Variants in RMND1 observed in about 807,000 individuals in gnomAD.
RMND1 encodes required for meiotic nuclear division protein 1 homolog.
A neutral mutation model predicts 54.0 loss-of-function variants in RMND1; 41 were observed. The ratio of observed to expected loss-of-function variants is 0.76; its 90% CI spans 0.59 to 0.98. The LOEUF (loss-of-function observed/expected upper bound fraction) is 0.98. RMND1 is among the 50% of genes least tolerant of loss of function. The pLI is 0.00. For synonymous variants in RMND1, 183 were observed against 181.7 expected (o/e 1.01, Z -0.06); for missense variants, 457 against 532.0 (o/e 0.86, Z 1.39).
In RMND1 at chr6:151,426,709, A is replaced by G. The variant is rs375322631; in HGVS notation, c.830+773T>C. Among the ~76,000 whole-genome samples, 59 of 152,278 alleles carry G rather than the reference A, an allele frequency of 3.9e-4. No individual in the cohort carries two copies. The East Asian group carries it at 8.3e-3, about 21-fold the overall frequency. ...GTGGATAGCCTGAGAAGTTCAAAAA[A>G]TTATGTTTATCTTCTAATATTTATT... On this transcript the variant is annotated intron_variant, in intron 6 of 11. Coordinates refer to ENST00000444024, the MANE Select transcript of RMND1 (RefSeq NM_017909.4).
At chr6:151,408,173 T>C (rs1779693803) in intron 10 of RMND1, among the ~76,000 whole-genome samples, 1 of 151,940 alleles carries the variant, frequency 6.6e-6, no homozygotes, top group African/African-American at 2.4e-5. Context: ...GTGGACAACC[T>C]AGAAGAAAGT....
intron 6 of RMND1, among the ~76,000 whole-genome samples, chr6:151,425,625 C>T (rs756972803): frequency 6.6e-6 from 1 of 152,152 alleles, no homozygotes; most frequent in African/African-American, 2.4e-5. Flanking sequence ...GATAATAAAA[C>T]TACAGGCTGC....
intron 1 of RMND1, among the ~76,000 whole-genome samples, chr6:151,450,921 G>A (rs1354029780): frequency 6.6e-6 from 1 of 152,150 alleles, no homozygotes; most frequent in African/African-American, 2.4e-5. Context: ...TGTGCTCTCT[G>A]AAACATGTGC....
intron 6 of RMND1, among the ~76,000 whole-genome samples, chr6:151,426,951 A>G (rs1780314276): frequency 6.6e-6 from 1 of 150,566 alleles, no homozygotes; most frequent in South Asian, 2.1e-4. Flanking sequence ...TGTATTTTTT[A>G]GTAGAGATGG....
intron 2 of RMND1, among the ~76,000 whole-genome samples, chr6:151,442,580 C>T (rs866566922): frequency 2.0e-5 from 3 of 152,048 alleles, no homozygotes; most frequent in Admixed American, 6.6e-5. Flanking sequence ...CCAGGCTGGA[C>T]GGAGCGAGGT....
intron 1 of RMND1, among the ~76,000 whole-genome samples, chr6:151,451,650 C>G (rs539625232): frequency 1.3e-5 from 2 of 152,264 alleles, no homozygotes; most frequent in Admixed American, 6.5e-5. Context: ...AAGGCAGTTA[C>G]TCAGTTCCCG....
chr6:151,406,514 A>G (rs1267559296), intron 10 of RMND1, among the ~76,000 whole-genome samples: 4 of 152,160 alleles, frequency 2.6e-5, no homozygotes. Flanking sequence ...GGTGCCCGCC[A>G]CCACGCCCGG....
intron 10 of RMND1, among the ~76,000 whole-genome samples, chr6:151,412,907 TCACCCCCC>T (rs1443046803): frequency 6.6e-6 from 1 of 152,114 alleles, no homozygotes; most frequent in African/African-American, 2.4e-5. Context: ...GATGATCCAG[TCACCCCCC>T]CACCAGGACC....
At chr6:151,415,813 A>G (rs1032180291) in intron 10 of RMND1, among the ~76,000 whole-genome samples, 13 of 142,694 alleles carry the variant, frequency 9.1e-5, no homozygotes, top group African/African-American at 1.4e-4. Flanking sequence ...AAAAAAAAAA[A>G]GTCACATACT....
intron 5 of RMND1, among the ~76,000 whole-genome samples, chr6:151,428,167 T>G (rs1418084886): frequency 1.3e-5 from 2 of 152,006 alleles, no homozygotes; most frequent in East Asian, 3.9e-4. Flanking sequence ...TAATAAAAAA[T>G]TAAGCCACAC....
At chr6:151,415,822 C>T (rs978326471) in intron 10 of RMND1, among the ~76,000 whole-genome samples, 1 of 147,374 alleles carries the variant, frequency 6.8e-6, no homozygotes, top group African/African-American at 2.5e-5. Context: ...AAGTCACATA[C>T]TGTATGACTA....
At chr6:151,417,491 A>C in intron 9 of RMND1, 92 bp from the exon 10 acceptor site, 2 of 1,115,604 alleles carry the variant, frequency 1.8e-6, no homozygotes, top group Non-Finnish European at 2.5e-6. Flanking sequence ...CTTTATGAAA[A>C]CTTTTTTTTT....
intron 4 of RMND1, among the ~76,000 whole-genome samples, chr6:151,430,690 C>T (rs970397993): frequency 2.0e-5 from 3 of 152,210 alleles, no homozygotes; most frequent in African/African-American, 7.2e-5. Flanking sequence ...ACTACAGTGA[C>T]ACCACAGGAG....
chr6:151,414,229 C>T (rs1779935741), intron 10 of RMND1, among the ~76,000 whole-genome samples: 1 of 151,894 alleles, frequency 6.6e-6, no homozygotes. Context: ...TGCCATTATA[C>T]CTGGCTAATT....
At chr6:151,449,720 T>C (rs987015668) in intron 1 of RMND1, among the ~76,000 whole-genome samples, 1 of 152,174 alleles carries the variant, frequency 6.6e-6, no homozygotes, top group African/African-American at 2.4e-5. Flanking sequence ...ACTGTACTGC[T>C]GCCATCTCGG....
At chr6:151,427,405 A>G in intron 6 of RMND1, 77 bp downstream of exon 6, 1 of 852,440 alleles carries the variant, frequency 1.2e-6, no homozygotes, top group Admixed American at 2.5e-5. Context: ...CCATATGCAT[A>G]ATAATTTGTC....
At chr6:151,446,163 T>G (rs1408993277) in intron 1 of RMND1, 1 of 199,856 alleles carries the variant, frequency 5.0e-6, no homozygotes, top group Non-Finnish European at 1.0e-5. Context: ...TAGCTCACAC[T>G]TGTAATCCCA....
In RMND1 at chr6:151,448,687, G is replaced by A. The variant is rs965857371; in HGVS notation, c.-14-2862C>T. Among the ~76,000 whole-genome samples the A allele has an allele frequency of 3.3e-5, 5 of 152,154 alleles. No individual in the cohort carries two copies. The East Asian group carries it at 9.6e-4, about 29-fold the overall frequency. ...CTTCTTAACCAGTTTTCCTGATTCT[G>A]TTTTGGGCCCCCTACAGTTTCTTCT... On this transcript the variant is annotated intron_variant, in intron 1 of 11. Coordinates refer to ENST00000444024, the MANE Select transcript of RMND1 (RefSeq NM_017909.4).
At chr6:151,446,735 T>A (rs1316711096) in intron 1 of RMND1, among the ~76,000 whole-genome samples, 1 of 151,914 alleles carries the variant, frequency 6.6e-6, no homozygotes, top group African/African-American at 2.4e-5. Context: ...CAAAACCCCA[T>A]CTCTACTAAA....
Sources: allele counts gnomAD v4.1 joint callset (sites outside exome capture counted in the v4.1 genomes callset), GRCh38; gene constraint gnomAD v4.1.1; transcripts MANE v1.5; gene names NCBI Gene and HGNC (gene_info 2026-07-23, HGNC 2026-07-21).